Variants in UBR3 observed in about 807,000 individuals in gnomAD.
The protein encoded by UBR3 is ubiquitin protein ligase E3 component n-recognin 3.
UBR3 carries 85 observed loss-of-function variants against 243.2 expected under a neutral mutation model. The observed-to-expected ratio is 0.35, with a 90% CI of 0.29 to 0.42. The LOEUF is 0.42. Ranked by LOEUF, UBR3 falls within the 10% of genes least tolerant of loss-of-function variation. The pLI is 1.00. For synonymous variants in UBR3, 748 were observed against 799.8 expected, an observed-to-expected ratio of 0.94 and a Z score of 1.09; for missense variants, 1,686 against 2,300.8, an observed-to-expected ratio of 0.73 and a Z score of 5.47.
At chr2:169,831,127 ATTTTTT>A (rs34139528) in intron 1 of UBR3, among the ~76,000 whole-genome samples, 22 of 56,462 alleles carry the variant, frequency 3.9e-4, no homozygotes, top group East Asian at 2.7e-3. Context: ...ATATATATAT[ATTTTTT>A]TTTTTTTTTT....
intron 26 of UBR3, among the ~76,000 whole-genome samples, chr2:169,996,925 T>C (rs2089507045): frequency 6.6e-6 from 1 of 151,946 alleles, no homozygotes; most frequent in Non-Finnish European, 1.5e-5. Flanking sequence ...GGTCTCGATC[T>C]CTTGACCTCG....
At chr2:169,847,873 GT>G in intron 1 of UBR3, among the ~76,000 whole-genome samples, 1 of 152,112 alleles carries the variant, frequency 6.6e-6, no homozygotes, top group Non-Finnish European at 1.5e-5. Context: ...ATACAGTTAT[GT>G]GCTAATTAGT....
chr2:169,879,233 A>T (rs2083731182), intron 5 of UBR3, among the ~76,000 whole-genome samples: 1 of 151,960 alleles, frequency 6.6e-6, no homozygotes, highest in Admixed American at 6.5e-5. Context: ...ATTTAATTAA[A>T]ATCTAAAAAA....
chr2:169,972,472 T>C (rs2088205840), intron 24 of UBR3, among the ~76,000 whole-genome samples: 1 of 152,154 alleles, frequency 6.6e-6, no homozygotes, highest in South Asian at 2.1e-4. Flanking sequence ...AAAAGAGAAT[T>C]TTAGATCAAT....
chr2:169,831,392 C>T (rs1042016259), intron 1 of UBR3, among the ~76,000 whole-genome samples: 1 of 150,750 alleles, frequency 6.6e-6, no homozygotes, highest in African/African-American at 2.4e-5. Context: ...TTAGGTGATC[C>T]ACCCGCCTCG....
intron 36 of UBR3, among the ~76,000 whole-genome samples, chr2:170,075,477 G>A (rs985285355): frequency 2.0e-5 from 3 of 152,172 alleles, no homozygotes; most frequent in South Asian, 2.1e-4. Context: ...TTGTATGTAT[G>A]CTGATGGAAA....
intron 35 of UBR3, among the ~76,000 whole-genome samples, chr2:170,073,158 A>G (rs539656391): frequency 2.6e-5 from 4 of 152,182 alleles, no homozygotes; most frequent in African/African-American, 7.2e-5. Context: ...CATTAGATAT[A>G]TAACAACTCT....
At chr2:169,996,907 G>T (rs912523636) in intron 26 of UBR3, among the ~76,000 whole-genome samples, 4 of 151,500 alleles carry the variant, frequency 2.6e-5, no homozygotes, top group African/African-American at 7.3e-5. Flanking sequence ...CACCATGTTG[G>T]CCAGGATGGT....
At chr2:170,072,956 C>A (rs995046841) in intron 35 of UBR3, among the ~76,000 whole-genome samples, 6 of 152,094 alleles carry the variant, frequency 3.9e-5, no homozygotes, top group Non-Finnish European at 7.4e-5. Context: ...ATTCCACCCC[C>A]CTTTTTAAAA....
chr2:170,055,318 G>A (rs980644166), intron 32 of UBR3, 142 bp from the exon 33 acceptor site: 37 of 901,058 alleles, frequency 4.1e-5, no homozygotes, highest in Admixed American at 5.6e-5. Flanking sequence ...CTGAGACCTC[G>A]TCTCAAAAAC....
chr2:169,895,095 C>A, intron 6 of UBR3, 86 bp from the exon 7 acceptor site: 1 of 1,273,438 alleles, frequency 7.9e-7, no homozygotes, highest in Non-Finnish European at 1.0e-6. Flanking sequence ...AGATACTTTC[C>A]CATTTTATGG....
rs368275499 is a variant in UBR3, at chr2:169,954,637, G to A, written c.3546-3801G>A. Reference sequence around the variant, plus strand: ...GTCACCCAGGCTGGAGAGCAGTGGCGCGATCTCAGCTCACTGCAACCTCTG... The same window carrying A: ...GTCACCCAGGCTGGAGAGCAGTGGCACGATCTCAGCTCACTGCAACCTCTG... On this transcript the variant is annotated intron_variant, in intron 23 of 38. Transcript: ENST00000272793. Among the ~76,000 whole-genome samples the A allele has an allele frequency of 2.2e-4, 33 of 148,662 alleles. No individual in the cohort carries two copies. In the South Asian group the frequency reaches 7.1e-3, roughly 32 times the overall value.
intron 22 of UBR3, among the ~76,000 whole-genome samples, chr2:169,948,186 C>T (rs1351230091): frequency 2.0e-5 from 3 of 150,626 alleles, no homozygotes; most frequent in African/African-American, 2.4e-5. Flanking sequence ...TATTAGTGTT[C>T]GAAGTATTTT....
At chr2:169,950,667 G>T (rs1374898379) in intron 23 of UBR3, among the ~76,000 whole-genome samples, 1 of 151,496 alleles carries the variant, frequency 6.6e-6, no homozygotes, top group Non-Finnish European at 1.5e-5. Context: ...ACTATGTTAT[G>T]TGGGGTTTGT....
At chr2:169,857,095 A>G (rs1391379552) in intron 1 of UBR3, among the ~76,000 whole-genome samples, 15 of 12,050 alleles carry the variant, frequency 1.2e-3, no homozygotes, top group Non-Finnish European at 4.1e-3. Context: ...TTTTTTTGAG[A>G]CGGAGTCTTG....
intron 31 of UBR3, among the ~76,000 whole-genome samples, chr2:170,032,831 C>G (rs566939713): frequency 1.3e-5 from 2 of 151,894 alleles, no homozygotes; most frequent in South Asian, 4.2e-4. Context: ...AGTTTCTGCA[C>G]TGTAAAGTGA....
chr2:169,959,811 A>G (rs1054643874), intron 24 of UBR3, among the ~76,000 whole-genome samples: 3 of 151,994 alleles, frequency 2.0e-5, no homozygotes, highest in Admixed American at 2.0e-4. Context: ...GGTCTGAAAG[A>G]CCAAAGGCCA....
At chr2:169,878,361 C>A (rs200616838) in intron 4 of UBR3, among the ~76,000 whole-genome samples, 164 bp from the exon 5 acceptor site, 406 of 118,136 alleles carry the variant, frequency 3.4e-3, no homozygotes, top group Middle Eastern at 4.2e-3. Context: ...AATCCCGTCT[C>A]AAAAAAAAAA....
chr2:169,850,766 C>T (rs1230010458), intron 1 of UBR3, among the ~76,000 whole-genome samples: 1 of 151,818 alleles, frequency 6.6e-6, no homozygotes, highest in Non-Finnish European at 1.5e-5. Context: ...ATGGCATGAA[C>T]CCGGGAGGCG....
Sources: gnomAD v4.1 joint callset for allele counts (sites outside exome capture counted in the v4.1 genomes callset) on GRCh38, gnomAD v4.1.1 for gene constraint, MANE v1.5 for transcripts, NCBI Gene and HGNC (gene_info 2026-07-23, HGNC 2026-07-21) for gene names.